Variants in NRXN3 observed in about 807,000 individuals in gnomAD.
NRXN3 encodes the protein neurexin 3.
Under a neutral mutation model 137.6 loss-of-function variants are expected in NRXN3, and 32 were observed. The observed-to-expected ratio is 0.23, with a 90% CI of 0.18 to 0.31. NRXN3 has a LOEUF of 0.31. Among genes scored for constraint, NRXN3 ranks in the 10% least tolerant of loss-of-function variants. The probability of loss-of-function intolerance (pLI) is 1.00; values close to 1 mark genes in which losing one functional copy is unlikely to be tolerated. For synonymous variants in NRXN3, 798 were observed against 784.5 expected (o/e 1.02, Z -0.29); for missense variants, 1,574 against 2,062.5 (o/e 0.76, Z 4.59).
intron 15 of NRXN3, among the ~76,000 whole-genome samples, chr14:79,388,102 TAA>T (rs140057318): frequency 1.3e-5 from 2 of 149,102 alleles, no homozygotes; most frequent in African/African-American, 2.5e-5. Context: ...TAAAGTATAA[TAA>T]AAAAAAAAGT....
intron 17 of NRXN3, among the ~76,000 whole-genome samples, chr14:79,686,130 A>G (rs2098693824): frequency 6.6e-6 from 1 of 152,058 alleles, no homozygotes; most frequent in Non-Finnish European, 1.5e-5. Context: ...CATCTCTCCT[A>G]AAAATTAGCT....
chr14:78,456,834 T>TTTCC, intron 4 of NRXN3, among the ~76,000 whole-genome samples: 1 of 130,856 alleles, frequency 7.6e-6, no homozygotes, highest in South Asian at 2.6e-4. Context: ...TCTTTCTTTC[T>TTTCC]TTCTTTCTTT....
At chr14:79,309,712 T>C (rs1056999910) in intron 15 of NRXN3, among the ~76,000 whole-genome samples, 1 of 147,252 alleles carries the variant, frequency 6.8e-6, no homozygotes, top group Non-Finnish European at 1.5e-5. Flanking sequence ...ATGTGTTTTT[T>C]GGCTGCATAA....
chr14:79,334,255 G>A (rs1449302602), intron 15 of NRXN3, among the ~76,000 whole-genome samples: 1 of 152,122 alleles, frequency 6.6e-6, no homozygotes, highest in African/African-American at 2.4e-5. Flanking sequence ...AGTAGAATGA[G>A]GTGCTATAAA....
At chr14:79,178,297 T>C (rs2062564363) in intron 15 of NRXN3, among the ~76,000 whole-genome samples, 1 of 152,244 alleles carries the variant, frequency 6.6e-6, no homozygotes, top group Admixed American at 6.5e-5. Flanking sequence ...TGTGGTTAAA[T>C]GCTGAGCTCA....
chr14:78,500,009 G>A (rs2095853840), intron 4 of NRXN3, among the ~76,000 whole-genome samples: 1 of 152,176 alleles, frequency 6.6e-6, no homozygotes, highest in Non-Finnish European at 1.5e-5. Context: ...AACTCTAAAG[G>A]AAGGGATTAT....
At chr14:79,194,106 G>T (rs1459201979) in intron 15 of NRXN3, among the ~76,000 whole-genome samples, 31 of 152,178 alleles carry the variant, frequency 2.0e-4, no homozygotes, top group Admixed American at 2.0e-3. Flanking sequence ...GAATATTCCT[G>T]TGGGAGAAAT....
chr14:78,392,305 A>G (rs544771356), intron 4 of NRXN3, among the ~76,000 whole-genome samples: 5 of 152,318 alleles, frequency 3.3e-5, no homozygotes, highest in African/African-American at 7.2e-5. Flanking sequence ...CCTAACTCTG[A>G]CACTCACTGT....
At chr14:79,363,511 C>G (rs2093762945) in intron 15 of NRXN3, among the ~76,000 whole-genome samples, 1 of 151,430 alleles carries the variant, frequency 6.6e-6, no homozygotes, top group Non-Finnish European at 1.5e-5. Flanking sequence ...TACGTAGGAA[C>G]AGTTCCAGGC....
intron 19 of NRXN3, among the ~76,000 whole-genome samples, chr14:79,766,209 G>A (rs1004927409): frequency 2.6e-5 from 4 of 151,912 alleles, no homozygotes; most frequent in Non-Finnish European, 5.9e-5. Context: ...TAGATAAAAG[G>A]TTTCATATGG....
At chr14:79,686,336 G>A (rs556824075) in intron 17 of NRXN3, among the ~76,000 whole-genome samples, 3 of 152,134 alleles carry the variant, frequency 2.0e-5, no homozygotes, top group South Asian at 4.2e-4. Flanking sequence ...TGCAAATATC[G>A]AGACTGAAAA....
At position 78,848,777 on chromosome 14, in the gene NRXN3, C is replaced by G. The variant is rs543254850; in HGVS notation, c.2275+38433C>G. Among the ~76,000 whole-genome samples, 95 of 152,224 alleles carry G rather than the reference C, an allele frequency of 6.2e-4. 1 individual carries two copies. The highest frequency in any genetic ancestry group is 2.2e-3 in the African/African-American group (92 of 41,544). On this transcript the variant is annotated intron_variant, in intron 10 of 20. Coordinates refer to ENST00000335750, the MANE Select transcript of NRXN3 (RefSeq NM_001330195.2). Reference sequence around the variant, plus strand: ...GTGAGAGGGAGCCAGCAATTTGTTTCTGTAGGCAAAAGGAGATTACAGAAG... The same window carrying G: ...GTGAGAGGGAGCCAGCAATTTGTTTGTGTAGGCAAAAGGAGATTACAGAAG...
At chr14:78,427,542 A>T (rs1047145745) in intron 4 of NRXN3, among the ~76,000 whole-genome samples, 5 of 152,152 alleles carry the variant, frequency 3.3e-5, no homozygotes, top group African/African-American at 1.2e-4. Flanking sequence ...CATTTATGTG[A>T]CTCTGGAAGG....
At chr14:78,599,451 A>G (rs868548376) in intron 4 of NRXN3, among the ~76,000 whole-genome samples, 68 of 152,362 alleles carry the variant, frequency 4.5e-4, no homozygotes, top group African/African-American at 1.4e-3. Context: ...TATAGTTAAC[A>G]CATAGCAATC....
intron 1 of NRXN3, among the ~76,000 whole-genome samples, chr14:78,195,737 A>G (rs946817535): frequency 3.3e-5 from 5 of 152,212 alleles, no homozygotes; most frequent in Non-Finnish European, 7.4e-5. Flanking sequence ...AAACTAAAGC[A>G]TAGAACCCAG....
intron 20 of NRXN3, chr14:79,854,110 A>G: frequency 2.0e-6 from 2 of 981,294 alleles, no homozygotes; most frequent in Non-Finnish European, 2.4e-6. Context: ...CAACAAAAAA[A>G]GCAAGTTACA....
At chr14:79,060,113 G>C (rs1180421136) in intron 15 of NRXN3, among the ~76,000 whole-genome samples, 9 of 152,320 alleles carry the variant, frequency 5.9e-5, no homozygotes, top group Non-Finnish European at 7.3e-5. Context: ...GTGGAACCAG[G>C]TAGTCTGAAA....
intron 16 of NRXN3, among the ~76,000 whole-genome samples, chr14:79,529,284 A>G (rs2097149153): frequency 6.6e-6 from 1 of 152,196 alleles, no homozygotes; most frequent in Admixed American, 6.5e-5. Context: ...AGAACAGGGC[A>G]GGGAGTTTCA....
intron 4 of NRXN3, among the ~76,000 whole-genome samples, chr14:78,519,350 C>T (rs1178523533): frequency 1.7e-4 from 26 of 152,148 alleles, no homozygotes; most frequent in Admixed American, 1.7e-3. Flanking sequence ...TACCAACCTG[C>T]TCCAGTCATC....
Sources: gnomAD v4.1 joint callset for allele counts (sites outside exome capture counted in the v4.1 genomes callset) on GRCh38, gnomAD v4.1.1 for gene constraint, MANE v1.5 for transcripts, NCBI Gene and HGNC (gene_info 2026-07-23, HGNC 2026-07-21) for gene names.